OCEL1: variants seen among roughly 807,000 people sequenced by gnomAD.
OCEL1 encodes the protein occludin/ELL domain-containing protein 1.
A neutral mutation model predicts 29.4 loss-of-function variants in OCEL1; 24 were observed. The observed-to-expected ratio is 0.82, with a 90% CI of 0.59 to 1.15. OCEL1 has a LOEUF of 1.15. Among genes scored for constraint, OCEL1 ranks in the 50% most tolerant of loss-of-function variants. OCEL1 has a pLI of 0.00. For synonymous variants in OCEL1, 172 were observed against 145.3 expected (o/e 1.18, Z -1.32); for missense variants, 402 against 352.5 (o/e 1.14, Z -1.13).
rs2073358672 is a variant in OCEL1, at chr19:17,226,316, G to A, written c.69G>A (p.Gln23=). The change falls in exon 1 of 6, where the codon CAG becomes CAA. Residue 23 remains glutamine (Q), a splice_region_variant and synonymous_variant. Coordinates refer to ENST00000215061, the MANE Select transcript of OCEL1 (RefSeq NM_024578.3). The part of the protein sequence containing the change: ...DPGSELQTLG[Q]AARRPPPPRA... ...GCTCGGAGCTCCAGACGCTGGGACA[G>A]GTGACCCGGGGCGGTAGCGAGCCGG... is the stretch of plus-strand genomic sequence containing the variant. 1.9e-6 allele frequency: 3 copies of A among 1,611,296 alleles called. No individual in the cohort carries two copies. The highest frequency in any genetic ancestry group is 1.7e-5 in the Admixed American group (1 of 59,746).
rs375059142 is a variant in OCEL1, at chr19:17,227,906, C to T, written c.519C>T (p.Tyr173=). 1.6e-5 allele frequency: 26 copies of T among 1,613,708 alleles called. No individual in the cohort carries two copies. The highest frequency in any genetic ancestry group is 2.1e-5 in the Non-Finnish European group (25 of 1,180,032). ...SRYVAVFQDQ[Y]GEFLELQHEV... is the part of the protein sequence containing the mutation. Reference sequence around the variant, plus strand: ...ATGTCGCAGTGTTCCAGGACCAGTACGGAGAGTTCTTGGAGCTCCAGCACG... The same window carrying T: ...ATGTCGCAGTGTTCCAGGACCAGTATGGAGAGTTCTTGGAGCTCCAGCACG... Residue 173 remains tyrosine, a synonymous_variant, in exon 4 of 6, where the codon TAC becomes TAT. Transcript: ENST00000215061.
At chr19:17,226,550 C>G (rs976849413) in intron 1 of OCEL1, 143 bp from the exon 2 acceptor site, 2 of 998,288 alleles carry the variant, frequency 2.0e-6, no homozygotes, top group African/African-American at 3.3e-5. Context: ...GCGGACCAAT[C>G]GCGTGCGTCT....
chr19:17,226,925 C>T, intron 2 of OCEL1, 56 bp downstream of exon 2: 1 of 1,519,884 alleles, frequency 6.6e-7, no homozygotes, highest in Admixed American at 2.3e-5. Context: ...AAGATTTAGC[C>T]CCTCCAGTTT....
At chr19:17,228,473 C>T (rs753331110) in intron 5 of OCEL1, 164 bp downstream of exon 5, 14 of 716,184 alleles carry the variant, frequency 2.0e-5, no homozygotes, top group East Asian at 1.4e-4. Flanking sequence ...GCAACCTCAG[C>T]GTCCCGGGTT....
chr19:17,228,587 T>C (rs532371426), intron 5 of OCEL1: 1 of 612,550 alleles, frequency 1.6e-6, no homozygotes, highest in African/African-American at 1.8e-5. Context: ...TTGGCCAGGC[T>C]GGTCTCGAAC....
In OCEL1 at chr19:17,226,785, G is replaced by A; in HGVS notation, c.162G>A (p.Arg54=). 1 of 1,595,376 alleles carries A rather than the reference G, an allele frequency of 6.3e-7. No individual in the cohort carries two copies. The highest frequency in any genetic ancestry group is 8.5e-7 in the Non-Finnish European group (1 of 1,174,116). Residue 54 remains arginine, a synonymous_variant, in exon 2 of 6, where the codon CGG becomes CGA. Transcript: ENST00000215061. ...GGAAACCCCTGAGCTGCTTCTCCCG[G>A]AGGCCGATGCCCACCCGGGAGCCCC... ...SARKPLSCFS[R]RPMPTREPPK... is the part of the protein sequence containing the mutation.
chr19:17,226,654 G>A (rs774044733), intron 1 of OCEL1, 39 bp from the exon 2 acceptor site: 4 of 1,427,386 alleles, frequency 2.8e-6, no homozygotes, highest in African/African-American at 2.9e-5. Context: ...TTCTCCGTGC[G>A]CGTCGTCAGG....
chr19:17,228,134 T>A, intron 4 of OCEL1, 122 bp from the exon 5 acceptor site: 1 of 1,525,448 alleles, frequency 6.6e-7, no homozygotes, highest in Non-Finnish European at 9.0e-7. Context: ...CCGTGACACA[T>A]GGCTAAGGTC....
intron 3 of OCEL1, 138 bp from the exon 4 acceptor site, chr19:17,227,702 A>G (rs2073374593): frequency 1.3e-6 from 1 of 791,284 alleles, no homozygotes; most frequent in South Asian, 2.2e-5. Context: ...AAAAATAATA[A>G]TAAATAAATT....
chr19:17,228,960 A>ATGCAGGTCCCT lies in OCEL1; in HGVS notation c.*40_*50dup, dbSNP rs2073389044. The ATGCAGGTCCCT allele has an allele frequency of 1.3e-6, 2 of 1,596,896 alleles. No individual in the cohort carries two copies. The highest frequency in any genetic ancestry group is 1.7e-6 in the Non-Finnish European group (2 of 1,170,886). Reference sequence around the variant, plus strand: ...CAGATGGGCAGAGGGATGCATGGGGATGCAGGTCCCTTGCATTTCTTGGTA... The same window carrying ATGCAGGTCCCT: ...CAGATGGGCAGAGGGATGCATGGGGATGCAGGTCCCTTGCAGGTCCCTTGCATTTCTTGGTA... On this transcript the variant is annotated 3_prime_UTR_variant, in exon 6 of 6. Transcript: ENST00000215061.
intron 5 of OCEL1, 45 bp from the exon 6 acceptor site, chr19:17,228,758 A>G (rs2073386305): frequency 6.2e-7 from 1 of 1,600,566 alleles, no homozygotes; most frequent in Non-Finnish European, 8.5e-7. Flanking sequence ...CTTGAAGGCC[A>G]CAGGGCAGAC....
rs762825322 is a variant in OCEL1 at position 17,227,077 on chromosome 19, G to A, written c.330G>A (p.Lys110=). The stretch of plus-strand genomic sequence containing the variant: ...CCCAGCCGGGACCCCACAAGGCAAA[G>A]ACCAAGAAGATTGTGTTTGAGGATG... ...CQPQPGPHKA[K]TKKIVFEDEL... The change falls in exon 3 of 6, where the codon AAG becomes AAA. Residue 110 remains lysine, a synonymous_variant. Coordinates refer to ENST00000215061, the MANE Select transcript of OCEL1 (RefSeq NM_024578.3). 1.9e-6 allele frequency: 3 copies of A among 1,609,126 alleles called. No individual in the cohort carries two copies. The highest frequency in any genetic ancestry group is 2.5e-6 in the Non-Finnish European group (3 of 1,179,132).
chr19:17,226,868 C>T lies in OCEL1; in HGVS notation c.245C>T (p.Pro82Leu), dbSNP rs1489240523. Residue 82 changes from proline (P) to leucine (L), a missense_variant and splice_region_variant, in exon 2 of 6, where the codon CCG (proline) becomes CTG (leucine). Pro to Leu is a moderately conservative substitution (Grantham distance 98). Coordinates refer to ENST00000215061, the MANE Select transcript of OCEL1 (RefSeq NM_024578.3). ...ACTCACCCGCCTGGGCCTGGGCCCCCGGTGAGCCTGACCGGGAGGGGGTCC... is the reference window on the plus strand; with the variant it reads ...ACTCACCCGCCTGGGCCTGGGCCCCTGGTGAGCCTGACCGGGAGGGGGTCC... ...LHTHPPGPGP[P>L]LQGLAPRGLK... 37 of 1,525,014 alleles carry T rather than the reference C, an allele frequency of 2.4e-5. No homozygotes were observed. Among genetic ancestry groups the T allele is most frequent in the Non-Finnish European group, 3.1e-5 (35 of 1,141,860 alleles). The allele number at this position is 1,525,014 out of a possible 1,614,324, so 94.5% of individuals were successfully genotyped here.
chr19:17,227,081 A>T lies in OCEL1; in HGVS notation c.334A>T (p.Lys112Ter). ...GCCGGGACCCCACAAGGCAAAGACCAAGAAGATTGTGTTTGAGGATGAGTT... is the reference window on the plus strand; with the variant it reads ...GCCGGGACCCCACAAGGCAAAGACCTAGAAGATTGTGTTTGAGGATGAGTT... ...PQPGPHKAKT[K>*]KIVFEDELLS... is the part of the protein sequence containing the mutation. The change falls in exon 3 of 6, where the codon AAG (lysine) becomes TAG (stop). Residue 112 changes from lysine to a stop codon, truncating the protein, a stop_gained. Coordinates refer to ENST00000215061, the MANE Select transcript of OCEL1 (RefSeq NM_024578.3). LOFTEE classifies it high-confidence loss of function. 1 of 1,608,940 alleles carries T rather than the reference A, an allele frequency of 6.2e-7. No individual in the cohort carries two copies. Among genetic ancestry groups the T allele is most frequent in the Middle Eastern group, 1.7e-4 (1 of 6,040 alleles).
Position 17,226,310 on chromosome 19 carries a change from G to A in OCEL1, c.63G>A (p.Leu21=), listed in dbSNP as rs2073358482. Residue 21 remains leucine (L), a synonymous_variant, in exon 1 of 6, where the codon CTG becomes CTA. Transcript: ENST00000215061. ...ATCCAGGCTCGGAGCTCCAGACGCT[G>A]GGACAGGTGACCCGGGGCGGTAGCG... ...TADPGSELQT[L]GQAARRPPPP... The A allele has an allele frequency of 6.2e-7, 1 of 1,611,924 alleles. No individual in the cohort carries two copies. Among genetic ancestry groups the A allele is most frequent in the Non-Finnish European group, 8.5e-7 (1 of 1,179,482 alleles).
In OCEL1 at chr19:17,226,864, C is replaced by T. The variant is rs904762114; in HGVS notation, c.241C>T (p.Pro81Ser). The T allele has an allele frequency of 6.5e-7, 1 of 1,529,540 alleles. No homozygotes were observed. Among genetic ancestry groups the T allele is most frequent in the Admixed American group, 2.2e-5 (1 of 46,310 alleles). The allele number at this position is 1,529,540 out of a possible 1,614,324, so 94.7% of individuals were successfully genotyped here. ...GCATACTCACCCGCCTGGGCCTGGG[C>T]CCCCGGTGAGCCTGACCGGGAGGGG... ...HLHTHPPGPG[P>S]PLQGLAPRGL... Residue 81 changes from proline to serine, a missense_variant, in exon 2 of 6, where the codon CCC (proline) becomes TCC (serine). Physicochemically the swap from Pro to Ser is moderately conservative, Grantham distance 74 (BLOSUM62 -1). Transcript: ENST00000215061.
At position 17,227,129 on chromosome 19, in the gene OCEL1, G is replaced by T. The variant is rs369565133; in HGVS notation, c.382G>T (p.Ala128Ser). 1.9e-6 allele frequency: 3 copies of T among 1,599,210 alleles called. No homozygotes were observed. Among genetic ancestry groups the T allele is most frequent in the African/African-American group, 2.7e-5 (2 of 73,650 alleles). The change falls in exon 3 of 6, where the codon GCC becomes TCC. Residue 128 changes from alanine (A) to serine (S), a missense_variant. By Grantham distance (99) the Ala-to-Ser change is moderately conservative. Coordinates refer to ENST00000215061, the MANE Select transcript of OCEL1 (RefSeq NM_024578.3). ...GTTGCTCTCCCAGGCCCTCCTGGGC[G>T]CCAAGAAGCCTATTGGAGCCATCCC... ...DELLSQALLG[A>S]KKPIGAIPKG...
Position 17,226,887 on chromosome 19 carries a change from G to C in OCEL1, c.246+18G>C. The C allele has an allele frequency of 6.6e-7, 1 of 1,512,682 alleles. No homozygotes were observed. The highest frequency in any genetic ancestry group is 8.8e-7 in the Non-Finnish European group (1 of 1,135,878). The allele number at this position is 1,512,682 out of a possible 1,614,324, so 93.7% of individuals were successfully genotyped here. On this transcript the variant is annotated intron_variant, in intron 2 of 5. Coordinates refer to ENST00000215061, the MANE Select transcript of OCEL1 (RefSeq NM_024578.3). ...GGCCCCCGGTGAGCCTGACCGGGAG[G>C]GGGTCCCCAGGCCGGGCCTCTAGGC...
chr19:17,228,149 C>A, intron 4 of OCEL1, 107 bp from the exon 5 acceptor site: 1 of 1,532,366 alleles, frequency 6.5e-7, no homozygotes, highest in Non-Finnish European at 9.0e-7. Flanking sequence ...AAGGTCAGCC[C>A]TTGAAGTCCC....
Sources: allele counts gnomAD v4.1 joint callset, GRCh38; gene constraint gnomAD v4.1.1; transcripts MANE v1.5; gene names NCBI Gene and HGNC (gene_info 2026-07-23, HGNC 2026-07-21).